ZMIZ2: variants seen among roughly 807,000 people sequenced by gnomAD.
The protein encoded by ZMIZ2 is zinc finger MIZ-type containing 2.
A neutral mutation model predicts 93.9 loss-of-function variants in ZMIZ2; 26 were observed. That is an observed-to-expected ratio of 0.28 (90% CI 0.20 to 0.38). The LOEUF (loss-of-function observed/expected upper bound fraction) is 0.38, where lower values mean the gene tolerates loss of function less well. ZMIZ2 is among the 10% of genes least tolerant of loss of function. The pLI is 1.00. For synonymous variants in ZMIZ2, 485 were observed against 516.4 expected (o/e 0.94, Z 0.82); for missense variants, 1,023 against 1,235.0 (o/e 0.83, Z 2.57).
intron 8 of ZMIZ2, 32 bp downstream of exon 8, chr7:44,760,260 A>T: frequency 6.3e-7 from 1 of 1,599,708 alleles, no homozygotes; most frequent in African/African-American, 1.3e-5. Context: ...ATGGGCCGGG[A>T]GGCTCACAGG....
In ZMIZ2 at chr7:44,766,346, C is replaced by T. The variant is rs1329530916; in HGVS notation, c.2412+13C>T. The T allele has an allele frequency of 1.2e-6, 2 of 1,602,244 alleles. No individual in the cohort carries two copies. The highest frequency in any genetic ancestry group is 8.5e-7 in the Non-Finnish European group (1 of 1,173,112). ...CCTCCCAAGCCAGGTCAGTGCCAAG[C>T]CGAGAGGCCAAGGGGCCCTGTCTCC... On this transcript the variant is annotated intron_variant, in intron 17 of 18. Transcript: ENST00000309315. The surrounding 1 kb of genome is among the most constrained non-coding windows in gnomAD (Gnocchi z 4.4).
rs570516371 is a variant in ZMIZ2 at position 44,769,096 on chromosome 7, C to A, written c.*1473C>A. 6.5e-6 allele frequency: 1 copy of A among 152,732 alleles called. No individual in the cohort carries two copies. The highest frequency in any genetic ancestry group is 6.5e-5 in the Admixed American group (1 of 15,284). 9.5% of individuals were successfully genotyped at this position (152,732 alleles called of 1,614,324 possible). On this transcript the variant is annotated 3_prime_UTR_variant, in exon 19 of 19. Transcript: ENST00000309315. The stretch of plus-strand genomic sequence containing the variant: ...GTCCCTGGGAGGCCTCTGCTTGTCA[C>A]TTCCCAGAGATTGCAGAGGTGTGTC...
At chr7:44,754,684 C>T (rs919550000) in intron 1 of ZMIZ2, among the ~76,000 whole-genome samples, 49 of 152,202 alleles carry the variant, frequency 3.2e-4, no homozygotes, top group Admixed American at 3.1e-3. Context: ...GCCACCCTCT[C>T]CTGGGGCAGG....
Position 44,761,571 on chromosome 7 carries a change from G to A in ZMIZ2, c.1363G>A (p.Val455Ile), listed in dbSNP as rs780943177. 5.0e-6 allele frequency: 8 copies of A among 1,613,968 alleles called. No individual in the cohort carries two copies. Among genetic ancestry groups the A allele is most frequent in the African/African-American group, 1.3e-5 (1 of 74,930 alleles). The change falls in exon 10 of 19, where the codon GTC becomes ATC. Residue 455 changes from valine (V) to isoleucine (I), a missense_variant. By Grantham distance (29) the Val-to-Ile change is conservative. Coordinates refer to ENST00000309315, the MANE Select transcript of ZMIZ2 (RefSeq NM_031449.4). The surrounding 1 kb of genome is among the most constrained non-coding windows in gnomAD (Gnocchi z 5.8). ...SNHVFQLRDS[V>I]YKTLIMRPDL... The stretch of plus-strand genomic sequence containing the variant: ...CCATGTCTTCCAGCTGCGAGACTCA[G>A]TCTACAAGACCCTGATAATGAGGTG...
At chr7:44,755,878 G>T (rs116256749) in intron 1 of ZMIZ2, among the ~76,000 whole-genome samples, 9 of 152,298 alleles carry the variant, frequency 5.9e-5, no homozygotes, top group African/African-American at 2.2e-4. Context: ...CCTCGGTGTG[G>T]GCGGGAGAGT....
Position 44,764,979 on chromosome 7 carries a change from A to G in ZMIZ2, c.1967A>G (p.Tyr656Cys). 1 of 1,614,222 alleles carries G rather than the reference A, an allele frequency of 6.2e-7. No homozygotes were observed. The highest frequency in any genetic ancestry group is 8.5e-7 in the Non-Finnish European group (1 of 1,180,028). ...ALLEGLEVDQYMLGILIYIQN... is the reference protein window; with the variant it reads ...ALLEGLEVDQCMLGILIYIQN... ...CTGGAGGGCCTGGAGGTGGACCAGT[A>G]CATGCTGGGCATCCTGATTTACATT... Residue 656 changes from tyrosine (Y) to cysteine (C), a missense_variant, in exon 15 of 19, where the codon TAC becomes TGC. Coordinates refer to ENST00000309315, the MANE Select transcript of ZMIZ2 (RefSeq NM_031449.4).
chr7:44,757,344 C>A (rs771112550), intron 4 of ZMIZ2, 34 bp from the exon 5 acceptor site: 1 of 1,588,402 alleles, frequency 6.3e-7, no homozygotes, highest in African/African-American at 1.3e-5. Flanking sequence ...CATGAGCCCA[C>A]GCAGAGAGCG....
In ZMIZ2 at chr7:44,757,439, T is replaced by A. The variant is rs1790704562; in HGVS notation, c.430T>A (p.Phe144Ile). The change falls in exon 5 of 19, where the codon TTC (phenylalanine) becomes ATC (isoleucine). Residue 144 changes from phenylalanine (F) to isoleucine (I), a missense_variant. By Grantham distance (21) the Phe-to-Ile change is conservative (BLOSUM62 0). Coordinates refer to ENST00000309315, the MANE Select transcript of ZMIZ2 (RefSeq NM_031449.4). ...PSHAARPSTD[F>I]TQAAAAAAVA... The stretch of plus-strand genomic sequence containing the variant: ...ACATGCTGCAAGACCCTCCACTGAC[T>A]TCACGCAAGCGGCAGCTGCTGCAGC... 3.1e-6 allele frequency: 5 copies of A among 1,606,688 alleles called. No individual in the cohort carries two copies. The East Asian group carries it at 8.9e-5, about 29-fold the overall frequency.
intron 1 of ZMIZ2, among the ~76,000 whole-genome samples, chr7:44,753,773 A>G (rs1388305591): frequency 6.6e-6 from 1 of 152,178 alleles, no homozygotes; most frequent in East Asian, 1.9e-4. Flanking sequence ...TTTCTCCTAT[A>G]TATTTTCCTG....
chr7:44,759,640 G>C (rs1012898166), intron 7 of ZMIZ2, 180 bp downstream of exon 7: 99 of 368,794 alleles, frequency 2.7e-4, no homozygotes, highest in Non-Finnish European at 4.2e-4. Flanking sequence ...GGGGGTGGGG[G>C]CATTCTGACC....
In ZMIZ2 at chr7:44,757,498, A is replaced by C. The variant is rs750542898; in HGVS notation, c.489A>C (p.Thr163=). Residue 163 remains threonine (T), a synonymous_variant, in exon 5 of 19, where the codon ACA becomes ACC. Transcript: ENST00000309315. ...CTGCGGCAGCCACTGCCACCGCCAC[A>C]GCCACAGCCACCGTGGCTGCTCTCC... is the stretch of plus-strand genomic sequence containing the variant. The part of the protein sequence containing the change: ...VAAAAATATA[T]ATATVAALQE... 1.8e-5 allele frequency: 29 copies of C among 1,608,150 alleles called. No homozygotes were observed. The highest frequency in any genetic ancestry group is 8.5e-6 in the Non-Finnish European group (10 of 1,179,352).
chr7:44,753,234 G>A (rs1790310939), intron 1 of ZMIZ2, among the ~76,000 whole-genome samples: 1 of 148,928 alleles, frequency 6.7e-6, no homozygotes. Flanking sequence ...TTAGTTTTGA[G>A]AATTCTTTTT....
rs369293067 is a variant in ZMIZ2 at position 44,757,135 on chromosome 7, C to T, written c.354C>T (p.Pro118=). The change falls in exon 4 of 19, where the codon CCC becomes CCT. Residue 118 remains proline (P), a synonymous_variant. Coordinates refer to ENST00000309315, the MANE Select transcript of ZMIZ2 (RefSeq NM_031449.4). ...GCCGCGGGGGCTACCCTGGGGCCCC[C>T]GGCTTCACCACCGGGTAAGCAAGTT... ...VYSRGGYPGA[P]GFTTGYAGGP... 4.0e-5 allele frequency: 64 copies of T among 1,593,686 alleles called. No homozygotes were observed. The East Asian group carries it at 4.5e-4, about 11-fold the overall frequency.
rs1791886147 is a variant in ZMIZ2 at position 44,768,011 on chromosome 7, T to G, written c.*388T>G. On this transcript the variant is annotated 3_prime_UTR_variant, in exon 19 of 19. Coordinates refer to ENST00000309315, the MANE Select transcript of ZMIZ2 (RefSeq NM_031449.4). ...CTGCTTCTTGTCCAGCATTGATCCT[T>G]CTGTTTCAACAACTCCTCCACTGGG... 3.5e-6 allele frequency: 1 copy of G among 287,718 alleles called. No homozygotes were observed. Among genetic ancestry groups the G allele is most frequent in the Non-Finnish European group, 6.8e-6 (1 of 147,972 alleles). The allele number at this position is 287,718 out of a possible 1,614,324, so 17.8% of individuals were successfully genotyped here. A position where few individuals can be genotyped will look rare whatever the true frequency, so the allele number is the denominator to read the frequency against.
chr7:44,769,783 C>T lies in ZMIZ2; in HGVS notation c.*2160C>T, dbSNP rs1461021386. ...TTGAGGAATGCATGGGCACCGTGGC[C>T]CTGTGCTCCATCACAAACACCTCTC... On this transcript the variant is annotated 3_prime_UTR_variant, in exon 19 of 19. Coordinates refer to ENST00000309315, the MANE Select transcript of ZMIZ2 (RefSeq NM_031449.4). 1 of 152,264 alleles carries T rather than the reference C, an allele frequency of 6.6e-6. No individual in the cohort carries two copies. Among genetic ancestry groups the T allele is most frequent in the Non-Finnish European group, 1.5e-5 (1 of 68,062 alleles). The allele number at this position is 152,264 out of a possible 1,614,324, so 9.4% of individuals were successfully genotyped here.
In ZMIZ2 at chr7:44,748,903, C is replaced by G. The variant is rs1006233538; in HGVS notation, c.-151C>G. On this transcript the variant is annotated 5_prime_UTR_variant, in exon 1 of 19. Transcript: ENST00000309315. ...GGCGCGGGTGGCGGCGGCCCCGGGGCGGCGGGCGGCGCGGAGGGCGGGCTG... is the reference window on the plus strand; with the variant it reads ...GGCGCGGGTGGCGGCGGCCCCGGGGGGGCGGGCGGCGCGGAGGGCGGGCTG... The G allele has an allele frequency of 1.4e-5, 2 of 147,298 alleles. No homozygotes were observed. Among genetic ancestry groups the G allele is most frequent in the African/African-American group, 2.5e-5 (1 of 40,756 alleles). The allele number at this position is 147,298 out of a possible 1,614,324, so 9.1% of individuals were successfully genotyped here. A position where few individuals can be genotyped will look rare whatever the true frequency, so the allele number is the denominator to read the frequency against.
intron 4 of ZMIZ2, 107 bp downstream of exon 4, chr7:44,757,256 A>G: frequency 6.6e-7 from 1 of 1,504,234 alleles, no homozygotes; most frequent in Non-Finnish European, 8.8e-7. Context: ...GCTTCCTGAC[A>G]GCTGTAGTGG....
chr7:44,767,802 G>A lies in ZMIZ2; in HGVS notation c.*179G>A, dbSNP rs926583290. 1.8e-5 allele frequency: 11 copies of A among 621,892 alleles called. No homozygotes were observed. Among genetic ancestry groups the A allele is most frequent in the East Asian group, 5.5e-5 (2 of 36,106 alleles). The allele number at this position is 621,892 out of a possible 1,614,324, so 38.5% of individuals were successfully genotyped here. A position where few individuals can be genotyped will look rare whatever the true frequency, so the allele number is the denominator to read the frequency against. On this transcript the variant is annotated 3_prime_UTR_variant, in exon 19 of 19. Transcript: ENST00000309315. Reference sequence around the variant, plus strand: ...CTGAATTGGAAGCAGCCCTGTGCTCGATGGGAGGGGCTCCCAGGCCGGCAG... The same window carrying A: ...CTGAATTGGAAGCAGCCCTGTGCTCAATGGGAGGGGCTCCCAGGCCGGCAG...
chr7:44,748,877 T>C lies in ZMIZ2; in HGVS notation c.-177T>C, dbSNP rs1789864663. The C allele has an allele frequency of 6.8e-6, 1 of 146,866 alleles. No individual in the cohort carries two copies. The highest frequency in any genetic ancestry group is 2.5e-5 in the African/African-American group (1 of 40,500). 9.1% of individuals were successfully genotyped at this position (146,866 alleles called of 1,614,324 possible). On this transcript the variant is annotated 5_prime_UTR_variant, in exon 1 of 19. It removes an upstream start codon present in the reference 5' UTR. Transcript: ENST00000309315. ...GCCCTCGGAGCGGGCGGCGGCGCGA[T>C]GGCGCGGGTGGCGGCGGCCCCGGGG...
Sources: allele counts gnomAD v4.1 joint callset (sites outside exome capture counted in the v4.1 genomes callset), GRCh38; gene constraint gnomAD v4.1.1; non-coding constraint Gnocchi (gnomAD v3.1); transcripts MANE v1.5; gene names NCBI Gene and HGNC (gene_info 2026-07-23, HGNC 2026-07-21).